The following SRGAP1 variants were observed in gnomAD, a reference collection of about 807,000 sequenced individuals.
The protein encoded by SRGAP1 is SLIT-ROBO Rho GTPase-activating protein 1.
A neutral mutation model predicts 121.9 loss-of-function variants in SRGAP1; 43 were observed. The ratio of observed to expected loss-of-function variants is 0.35; its 90% confidence interval spans 0.28 to 0.46. SRGAP1 has a LOEUF of 0.46. Among genes scored for constraint, SRGAP1 ranks in the 20% least tolerant of loss-of-function variants. The pLI, the probability that SRGAP1 is intolerant of heterozygous loss-of-function variation, is 1.00. For synonymous variants in SRGAP1, 447 were observed against 485.4 expected (o/e 0.92, Z 1.04); for missense variants, 1,102 against 1,350.9 (o/e 0.82, Z 2.89).
At chr12:63,894,742 A>G (rs986381785) in intron 1 of SRGAP1, among the ~76,000 whole-genome samples, 2 of 151,900 alleles carry the variant, frequency 1.3e-5, no homozygotes, top group Non-Finnish European at 1.5e-5. Context: ...TGTTCTTGCG[A>G]TAGTTTGCTG....
At chr12:64,044,861 G>C (rs2035096098) in intron 6 of SRGAP1, among the ~76,000 whole-genome samples, 1 of 151,468 alleles carries the variant, frequency 6.6e-6, no homozygotes, top group African/African-American at 2.4e-5. Context: ...TGTATTTTTA[G>C]TAGAGATGGG....
intron 1 of SRGAP1, among the ~76,000 whole-genome samples, chr12:63,950,225 C>T (rs1017201216): frequency 6.6e-6 from 1 of 152,154 alleles, no homozygotes; most frequent in African/African-American, 2.4e-5. Context: ...TGACAGCCCC[C>T]AGCCTCCACA....
At chr12:64,091,661 A>G (rs2036054936) in intron 12 of SRGAP1, among the ~76,000 whole-genome samples, 1 of 152,226 alleles carries the variant, frequency 6.6e-6, no homozygotes, top group African/African-American at 2.4e-5. Context: ...AAAGTTAAAA[A>G]GCAACCTGAT....
At chr12:64,017,041 G>C in intron 4 of SRGAP1, 29 bp downstream of exon 4, 1 of 1,301,744 alleles carries the variant, frequency 7.7e-7, no homozygotes, top group South Asian at 1.3e-5. Flanking sequence ...TTCTTTTCTA[G>C]AATCCTTGGG....
At chr12:63,913,939 C>T (rs1264888982) in intron 1 of SRGAP1, among the ~76,000 whole-genome samples, 1 of 151,710 alleles carries the variant, frequency 6.6e-6, no homozygotes, top group East Asian at 1.9e-4. Context: ...AAAAACTGGT[C>T]CTTTATTACA....
rs11286618 is a variant in SRGAP1, at chr12:64,025,152, T to TAAAA, written c.489+8152_489+8155dup. Among the ~76,000 whole-genome samples, 353 of 135,222 alleles carry TAAAA rather than the reference T, an allele frequency of 2.6e-3. 1 individual carries two copies. The highest frequency in any genetic ancestry group is 8.9e-3 in the African/African-American group (336 of 37,650). The allele number at this position is 135,222 out of a possible 152,430, so 88.7% of individuals were successfully genotyped here. A position where few individuals can be genotyped will look rare whatever the true frequency, so the allele number is the denominator to read the frequency against. On this transcript the variant is annotated intron_variant, in intron 4 of 21. Coordinates refer to ENST00000355086, the MANE Select transcript of SRGAP1 (RefSeq NM_020762.4). ...CCCTTGTCTCTTTAAAACGTTTAAATAAAAAAAAAAAAAAAGCTAATTATT... is the reference window on the plus strand; with the variant it reads ...CCCTTGTCTCTTTAAAACGTTTAAATAAAAAAAAAAAAAAAAAAAGCTAATTATT...
intron 4 of SRGAP1, among the ~76,000 whole-genome samples, chr12:64,041,034 T>C (rs2035007748): frequency 6.6e-6 from 1 of 152,278 alleles, no homozygotes; most frequent in African/African-American, 2.4e-5. Flanking sequence ...GAAATTGTTA[T>C]GTTCTATATA....
At chr12:64,075,190 G>A (rs2136556199) in intron 8 of SRGAP1, among the ~76,000 whole-genome samples, 1 of 152,302 alleles carries the variant, frequency 6.6e-6, no homozygotes, top group Middle Eastern at 3.4e-3. Context: ...CATTAGCATT[G>A]TTTCTATAGA....
intron 1 of SRGAP1, among the ~76,000 whole-genome samples, chr12:63,874,428 C>A (rs1186488469): frequency 6.6e-6 from 1 of 152,086 alleles, no homozygotes; most frequent in Non-Finnish European, 1.5e-5. Flanking sequence ...TGATCTCGAT[C>A]TCCTGACCTC....
intron 1 of SRGAP1, among the ~76,000 whole-genome samples, chr12:63,942,761 T>C (rs1244155730): frequency 6.6e-6 from 1 of 152,240 alleles, no homozygotes; most frequent in African/African-American, 2.4e-5. Flanking sequence ...CATCCGTTTC[T>C]TCTCCCAGTG....
intron 15 of SRGAP1, among the ~76,000 whole-genome samples, chr12:64,103,613 CTG>C (rs2036294121): frequency 6.6e-6 from 1 of 152,170 alleles, no homozygotes; most frequent in Non-Finnish European, 1.5e-5. Context: ...AGTTTTCTCT[CTG>C]AATTCTAAAT....
chr12:63,926,484 T>G (rs554905195), intron 1 of SRGAP1, among the ~76,000 whole-genome samples: 2 of 152,334 alleles, frequency 1.3e-5, no homozygotes, highest in South Asian at 4.1e-4. Flanking sequence ...CTCCTAAGTC[T>G]GTGCTCTGCC....
chr12:63,871,443 A>C (rs1271277625), intron 1 of SRGAP1, among the ~76,000 whole-genome samples: 1 of 152,124 alleles, frequency 6.6e-6, no homozygotes, highest in Non-Finnish European at 1.5e-5. Context: ...TGTGCTTTTG[A>C]ACTAAGGAAA....
intron 18 of SRGAP1, among the ~76,000 whole-genome samples, chr12:64,122,604 CAA>C (rs1022604800): frequency 6.6e-6 from 1 of 151,992 alleles, no homozygotes; most frequent in Non-Finnish European, 1.5e-5. Context: ...TTGCTTGTTT[CAA>C]AAAAATAATA....
intron 6 of SRGAP1, among the ~76,000 whole-genome samples, chr12:64,057,351 G>A (rs1006966116): frequency 3.3e-5 from 5 of 152,098 alleles, no homozygotes; most frequent in East Asian, 1.9e-4. Context: ...ATGAAAACTC[G>A]TGTGTAAAAG....
chr12:63,905,565 A>G (rs2030161869), intron 1 of SRGAP1, among the ~76,000 whole-genome samples: 1 of 152,242 alleles, frequency 6.6e-6, no homozygotes, highest in Non-Finnish European at 1.5e-5. Flanking sequence ...AGAGCTCTAA[A>G]CTAACAAGTT....
intron 1 of SRGAP1, among the ~76,000 whole-genome samples, chr12:63,945,285 C>CT (rs1209831784): frequency 6.6e-6 from 1 of 150,762 alleles, no homozygotes; most frequent in African/African-American, 2.4e-5. Context: ...TTTTTAAATA[C>CT]TTTAAGTTTT....
intron 4 of SRGAP1, among the ~76,000 whole-genome samples, chr12:64,035,603 G>A (rs2034887958): frequency 6.6e-6 from 1 of 152,128 alleles, no homozygotes; most frequent in Non-Finnish European, 1.5e-5. Flanking sequence ...TATAAGAGGT[G>A]TGTGTAGACA....
At chr12:63,991,393 C>T (rs1393494008) in intron 3 of SRGAP1, among the ~76,000 whole-genome samples, 1 of 152,144 alleles carries the variant, frequency 6.6e-6, no homozygotes, top group Non-Finnish European at 1.5e-5. Context: ...GATTTGATTT[C>T]TGACCTAGAA....
Sources: gnomAD v4.1 joint callset for allele counts (sites outside exome capture counted in the v4.1 genomes callset) on GRCh38, gnomAD v4.1.1 for gene constraint, MANE v1.5 for transcripts, NCBI Gene and HGNC (gene_info 2026-07-23, HGNC 2026-07-21) for gene names.